PCM1: variants seen among roughly 807,000 people sequenced by gnomAD.
PCM1 encodes the protein pericentriolar material 1 protein.
Under a neutral mutation model 241.9 loss-of-function variants are expected in PCM1, and 157 were observed. That is an observed-to-expected ratio of 0.65 (90% confidence interval 0.57 to 0.74). PCM1 has a LOEUF of 0.74. Among genes scored for constraint, PCM1 ranks in the 30% least tolerant of loss-of-function variants. PCM1 has a pLI of 0.00. For missense variants in PCM1, 3,478 were observed against 2,360.1 expected, an observed-to-expected ratio of 1.47 and a Z score of -9.81; for synonymous variants, 1,085 against 784.9, an observed-to-expected ratio of 1.38 and a Z score of -6.39.
At chr8:17,987,590 T>C (rs1386862041) in intron 26 of PCM1, among the ~76,000 whole-genome samples, 2 of 151,930 alleles carry the variant, frequency 1.3e-5, no homozygotes, top group African/African-American at 4.8e-5. Flanking sequence ...AGTAATTGTA[T>C]TTAGTATTAC....
chr8:17,923,746 G>T (rs772869333), intron 1 of PCM1, among the ~76,000 whole-genome samples: 1 of 152,116 alleles, frequency 6.6e-6, no homozygotes, highest in Admixed American at 6.5e-5. Context: ...TGTGGGAGCC[G>T]ATGGGCCGGG....
intron 15 of PCM1, among the ~76,000 whole-genome samples, chr8:17,960,854 A>T (rs1211980344): frequency 1.3e-5 from 2 of 152,078 alleles, no homozygotes; most frequent in Non-Finnish European, 1.5e-5. Context: ...AATTATATCT[A>T]GTAATTTTGT....
chr8:17,928,608 A>G (rs1299630352), intron 2 of PCM1, among the ~76,000 whole-genome samples: 2 of 99,246 alleles, frequency 2.0e-5, no homozygotes, highest in Admixed American at 1.1e-4. Context: ...CATTTTTAGT[A>G]TCTCCCTCTT....
At chr8:17,999,152 C>T (rs1032656798) in intron 29 of PCM1, among the ~76,000 whole-genome samples, 1 of 151,960 alleles carries the variant, frequency 6.6e-6, no homozygotes, top group Non-Finnish European at 1.5e-5. Flanking sequence ...CCACTGTGAT[C>T]GCTCTGGTAC....
chr8:17,972,373 C>T lies in PCM1; in HGVS notation c.3629C>T (p.Pro1210Leu), dbSNP rs1167681053. The T allele has an allele frequency of 6.3e-7, 1 of 1,578,626 alleles. No individual in the cohort carries two copies. The change falls in exon 23 of 39, where the codon CCA becomes CTA. Residue 1210 changes from proline (P) to leucine (L), a missense_variant. Transcript: ENST00000325083. ...PEEEVESSRT[P>L]WLYEQEGEVE... ...GAGGAGGTGGAAAGCAGTAGGACAC[C>T]ATGGTTATATGAACAAGAAGGTGAA... is the stretch of plus-strand genomic sequence containing the variant.
chr8:18,019,341 T>G (rs1035360660), intron 36 of PCM1, among the ~76,000 whole-genome samples: 6 of 152,232 alleles, frequency 3.9e-5, no homozygotes, highest in South Asian at 4.1e-4. Context: ...CTCAGCCTTT[T>G]TGGCACCAGG....
chr8:17,984,634 T>C (rs1000448836), intron 24 of PCM1, among the ~76,000 whole-genome samples: 2 of 152,000 alleles, frequency 1.3e-5, no homozygotes, highest in Admixed American at 1.3e-4. Flanking sequence ...CATTTTCTTA[T>C]TCCTCTCACA....
chr8:18,024,096 A>G (rs1369137108), intron 36 of PCM1, among the ~76,000 whole-genome samples: 4 of 152,228 alleles, frequency 2.6e-5, no homozygotes, highest in Admixed American at 1.3e-4. Context: ...TTGAATTGCA[A>G]ACATAAGTGA....
intron 38 of PCM1, among the ~76,000 whole-genome samples, chr8:18,027,262 G>C (rs1304422885): frequency 8.3e-6 from 1 of 120,592 alleles, no homozygotes; most frequent in African/African-American, 2.6e-5. Flanking sequence ...TTGAACTGCA[G>C]CTTCCTCCAC....
At chr8:18,018,036 C>G (rs2093389490) in intron 36 of PCM1, among the ~76,000 whole-genome samples, 1 of 152,164 alleles carries the variant, frequency 6.6e-6, no homozygotes, top group South Asian at 2.1e-4. Flanking sequence ...CTTTCAACCC[C>G]ATGCTAATAA....
At chr8:17,957,150 G>C in intron 11 of PCM1, 114 bp from the exon 12 acceptor site, 1 of 760,320 alleles carries the variant, frequency 1.3e-6, no homozygotes, top group Non-Finnish European at 2.1e-6. Flanking sequence ...AATTTAAATG[G>C]AATAGCCAAC....
chr8:17,958,429 T>C (rs377354743), intron 13 of PCM1, among the ~76,000 whole-genome samples: 2 of 152,184 alleles, frequency 1.3e-5, no homozygotes, highest in East Asian at 1.9e-4. Context: ...TAATGTACAA[T>C]TGTATATTTA....
chr8:17,990,788 G>A (rs138491968), intron 27 of PCM1, among the ~76,000 whole-genome samples: 1 of 152,104 alleles, frequency 6.6e-6, no homozygotes, highest in Non-Finnish European at 1.5e-5. Context: ...CCACTATAAA[G>A]AAAAGGACTT....
Position 17,972,543 on chromosome 8 carries a change from C to G in PCM1, c.3799C>G (p.Pro1267Ala). The change falls in exon 23 of 39, where the codon CCA (proline) becomes GCA (alanine). Residue 1267 changes from proline (P) to alanine (A), a missense_variant. Coordinates refer to ENST00000325083, the MANE Select transcript of PCM1 (RefSeq NM_006197.4). ...GGAAAGCTTTAGCAGTATGCCTGAT[C>G]CAGTAGATCCAACAACAGTGACTAA... ...SLESFSSMPD[P>A]VDPTTVTKTF... The G allele has an allele frequency of 1.9e-6, 3 of 1,613,778 alleles. No individual in the cohort carries two copies. Among genetic ancestry groups the G allele is most frequent in the Non-Finnish European group, 2.5e-6 (3 of 1,179,712 alleles).
At chr8:17,976,620 T>G (rs1308225070) in intron 23 of PCM1, among the ~76,000 whole-genome samples, 2 of 152,236 alleles carry the variant, frequency 1.3e-5, no homozygotes, top group Admixed American at 6.5e-5. Context: ...TCTGCGCTCT[T>G]TGGACATGTG....
chr8:18,011,491 T>C (rs1381806892), intron 33 of PCM1, 125 bp downstream of exon 33: 2 of 1,073,874 alleles, frequency 1.9e-6, no homozygotes, highest in African/African-American at 3.2e-5. Flanking sequence ...TGAATTTCAC[T>C]GTGACCCTGA....
rs1025003419 is a variant in PCM1, at chr8:17,994,797, C to G, written c.4827+1178C>G. On this transcript the variant is annotated intron_variant, in intron 29 of 38. Coordinates refer to ENST00000325083, the MANE Select transcript of PCM1 (RefSeq NM_006197.4). ...GTCATTTCCGTGATCATGTTGAGCA[C>G]CTTTTATGTGCCTGTTTGCCATTTG... Among the ~76,000 whole-genome samples the G allele has an allele frequency of 2.7e-4, 40 of 148,354 alleles. 1 individual carries two copies. Among genetic ancestry groups the G allele is most frequent in the African/African-American group, 1.0e-3 (38 of 37,884 alleles).
rs746344578 is a variant in PCM1, at chr8:18,014,826, T to C, written c.5827T>C (p.Leu1943=). The change falls in exon 36 of 39, where the codon TTA becomes CTA. Residue 1943 remains leucine (L), a synonymous_variant. Transcript: ENST00000325083. ...AGSPDTESPV[L]VNDYEAESGN... is the part of the protein sequence containing the mutation. ...AAGTCCTGATACTGAATCTCCAGTG[T>C]TAGTGAATGACTATGTATGTATCAT... is the stretch of plus-strand genomic sequence containing the variant. The C allele has an allele frequency of 6.3e-6, 10 of 1,598,426 alleles. No homozygotes were observed. The South Asian group carries it at 1.0e-4, about 16-fold the overall frequency.
chr8:18,011,789 A>G lies in PCM1; in HGVS notation c.5473A>G (p.Asn1825Asp). The stretch of plus-strand genomic sequence containing the variant: ...GGATGTCCAGACTTCCCTCCAGGCT[A>G]ACACTGAAGCTACTGAAGAAAATGA... ...PVDVQTSLQANTEATEENEHD... is the reference protein window; with the variant it reads ...PVDVQTSLQADTEATEENEHD... The change falls in exon 34 of 39, where the codon AAC becomes GAC. Residue 1825 changes from asparagine (N) to aspartate (D), a missense_variant. Asn to Asp is a conservative substitution (Grantham distance 23). Transcript: ENST00000325083. The G allele has an allele frequency of 1.2e-6, 2 of 1,613,552 alleles. No individual in the cohort carries two copies. Among genetic ancestry groups the G allele is most frequent in the Non-Finnish European group, 1.7e-6 (2 of 1,179,746 alleles).
Sources: allele counts gnomAD v4.1 joint callset (sites outside exome capture counted in the v4.1 genomes callset), GRCh38; gene constraint gnomAD v4.1.1; transcripts MANE v1.5; gene names NCBI Gene and HGNC (gene_info 2026-07-23, HGNC 2026-07-21).